Variants in A1CF observed in about 807,000 individuals in gnomAD.
The protein encoded by A1CF is APOBEC1 complementation factor, also known as APOBEC-1 stimulating protein.
A neutral mutation model predicts 68.9 loss-of-function variants in A1CF; 48 were observed. The ratio of observed to expected loss-of-function variants is 0.70; its 90% CI spans 0.55 to 0.89. A1CF has a LOEUF of 0.89. Among genes scored for constraint, A1CF ranks in the 40% least tolerant of loss-of-function variants. The pLI is 0.00. For missense variants in A1CF, 653 were observed against 718.9 expected (o/e 0.91, Z 1.05); for synonymous variants, 272 against 260.4 (o/e 1.04, Z -0.43).
At chr10:50,840,896 T>C (rs1839743941) in intron 5 of A1CF, among the ~76,000 whole-genome samples, 1 of 152,176 alleles carries the variant, frequency 6.6e-6, no homozygotes, top group Admixed American at 6.5e-5. Flanking sequence ...ATCCTAGGTT[T>C]CCTCCCTGAA....
intron 1 of A1CF, among the ~76,000 whole-genome samples, chr10:50,876,067 A>G (rs539064630): frequency 1.3e-5 from 2 of 152,132 alleles, no homozygotes; most frequent in East Asian, 3.9e-4. Flanking sequence ...CTTGTTTCCC[A>G]TTTCCCACAT....
chr10:50,862,496 T>C (rs1282258283), intron 2 of A1CF, among the ~76,000 whole-genome samples: 1 of 152,218 alleles, frequency 6.6e-6, no homozygotes, highest in African/African-American at 2.4e-5. Context: ...ATTCTTGCCT[T>C]CACCTTTCTG....
chr10:50,810,060 C>G lies in A1CF; in HGVS notation c.1461-18G>C, dbSNP rs1191376571. On this transcript the variant is annotated intron_variant, in intron 11 of 12. Coordinates refer to ENST00000373997, the MANE Select transcript of A1CF (RefSeq NM_014576.4). Reference sequence around the variant, plus strand: ...AAGGGTGGCTGGAAAGCAAGTCAGTCAGGGTAGGCATTTTTAAACTGGTAC... The same window carrying G: ...AAGGGTGGCTGGAAAGCAAGTCAGTGAGGGTAGGCATTTTTAAACTGGTAC... 1 of 1,613,404 alleles carries G rather than the reference C, an allele frequency of 6.2e-7. No individual in the cohort carries two copies. Among genetic ancestry groups the G allele is most frequent in the Admixed American group, 1.7e-5 (1 of 59,984 alleles).
At chr10:50,836,379 T>C in intron 5 of A1CF, 67 bp from the exon 6 acceptor site, 1 of 1,518,590 alleles carries the variant, frequency 6.6e-7, no homozygotes, top group Non-Finnish European at 8.9e-7. Flanking sequence ...AATGTATGGC[T>C]GTGGGCCAAA....
intron 1 of A1CF, among the ~76,000 whole-genome samples, chr10:50,876,718 C>T (rs1841532040): frequency 6.6e-6 from 1 of 152,136 alleles, no homozygotes; most frequent in Admixed American, 6.5e-5. Flanking sequence ...CATGGGCTCC[C>T]CTGAATCTCC....
intron 7 of A1CF, among the ~76,000 whole-genome samples, chr10:50,825,996 C>T (rs576149894): frequency 6.6e-6 from 1 of 152,190 alleles, no homozygotes; most frequent in African/African-American, 2.4e-5. Context: ...ATCCTACAAT[C>T]CACTGGACAG....
intron 3 of A1CF, among the ~76,000 whole-genome samples, chr10:50,852,194 G>A (rs903448205): frequency 1.5e-4 from 23 of 152,262 alleles, no homozygotes; most frequent in African/African-American, 5.1e-4. Context: ...ACCTTGTGTC[G>A]TTTATGAAGA....
intron 1 of A1CF, among the ~76,000 whole-genome samples, chr10:50,881,365 G>A (rs1163694831): frequency 6.6e-6 from 1 of 152,164 alleles, no homozygotes; most frequent in Admixed American, 6.5e-5. Flanking sequence ...CATAAACAGA[G>A]TTGGGCTTAT....
chr10:50,851,304 G>T (rs1173462089), intron 3 of A1CF, among the ~76,000 whole-genome samples: 2 of 152,166 alleles, frequency 1.3e-5, no homozygotes, highest in Non-Finnish European at 2.9e-5. Flanking sequence ...GGCTGACTTT[G>T]ATATCATGTT....
intron 7 of A1CF, among the ~76,000 whole-genome samples, chr10:50,821,216 C>T (rs1838650742): frequency 6.6e-6 from 1 of 151,886 alleles, no homozygotes; most frequent in South Asian, 2.1e-4. Flanking sequence ...AAATAAAAAA[C>T]AAAAAGAAGA....
chr10:50,809,836 A>G (rs986525752), intron 12 of A1CF, 58 bp downstream of exon 12: 12 of 1,601,970 alleles, frequency 7.5e-6, no homozygotes, highest in African/African-American at 4.0e-5. Flanking sequence ...ATGGTACCAA[A>G]AAAGGGTTTC....
At chr10:50,852,066 G>A (rs905507216) in intron 3 of A1CF, among the ~76,000 whole-genome samples, 1 of 152,150 alleles carries the variant, frequency 6.6e-6, no homozygotes, top group Admixed American at 6.5e-5. Context: ...GTCAGCGTGC[G>A]CAGTCCAAAG....
At chr10:50,841,763 CT>C (rs540298806) in intron 5 of A1CF, 98 bp downstream of exon 5, 1,165 of 1,394,430 alleles carry the variant, frequency 8.4e-4, no homozygotes, top group Admixed American at 1.0e-3. Context: ...TCTGGCTTGG[CT>C]TTTTTTTTGG....
At chr10:50,881,138 C>T (rs770039276) in intron 1 of A1CF, among the ~76,000 whole-genome samples, 1 of 152,064 alleles carries the variant, frequency 6.6e-6, no homozygotes, top group Non-Finnish European at 1.5e-5. Context: ...TACAGGTACC[C>T]ACCACCATGC....
intron 1 of A1CF, among the ~76,000 whole-genome samples, chr10:50,865,136 G>A (rs1840926169): frequency 6.6e-6 from 1 of 151,990 alleles, no homozygotes; most frequent in Non-Finnish European, 1.5e-5. Context: ...CAGGTGTAGT[G>A]TCATGCATCT....
In A1CF at chr10:50,836,089, T is replaced by G. The variant is rs1447592426; in HGVS notation, c.589A>C (p.Arg197=). ...ESHRAAAMAR[R]KLLPGRIQLW... ...GATTGCTAACCTGGTAGCAGTTTCC[T>G]CCTCGCCATGGCAGCTGCTCGATGA... Residue 197 remains arginine, a synonymous_variant, in exon 6 of 13, where the codon AGG becomes CGG. Transcript: ENST00000373997. The G allele has an allele frequency of 6.2e-7, 1 of 1,609,594 alleles. No homozygotes were observed. Among genetic ancestry groups the G allele is most frequent in the Admixed American group, 1.7e-5 (1 of 59,496 alleles).
rs1837789230 is a variant in A1CF at position 50,805,780 on chromosome 10, A to G, written c.*949T>C. ...AACAATATCAAAGAAATGAGAGCAA[A>G]TCTGCACTTCTCTCTTTAAAATGAC... is the stretch of plus-strand genomic sequence containing the variant. On this transcript the variant is annotated 3_prime_UTR_variant, in exon 13 of 13. Coordinates refer to ENST00000373997, the MANE Select transcript of A1CF (RefSeq NM_014576.4). 6.6e-6 allele frequency: 1 copy of G among 152,238 alleles called. No individual in the cohort carries two copies. Among genetic ancestry groups the G allele is most frequent in the African/African-American group, 2.4e-5 (1 of 41,458 alleles). The allele number at this position is 152,238 out of a possible 1,614,324, so 9.4% of individuals were successfully genotyped here. A position where few individuals can be genotyped will look rare whatever the true frequency, so the allele number is the denominator to read the frequency against.
intron 1 of A1CF, among the ~76,000 whole-genome samples, chr10:50,877,856 C>T (rs1219217770): frequency 6.6e-6 from 1 of 152,238 alleles, no homozygotes; most frequent in East Asian, 1.9e-4. Flanking sequence ...GGCGCCGTGG[C>T]TCACGCCTGT....
At chr10:50,850,351 T>C (rs1184329704) in intron 3 of A1CF, among the ~76,000 whole-genome samples, 2 of 152,252 alleles carry the variant, frequency 1.3e-5, no homozygotes, top group East Asian at 1.9e-4. Context: ...CTTTTAATAA[T>C]TTCCCTTTAT....
Sources: gnomAD v4.1 joint callset for allele counts (sites outside exome capture counted in the v4.1 genomes callset) on GRCh38, gnomAD v4.1.1 for gene constraint, MANE v1.5 for transcripts, NCBI Gene and HGNC (gene_info 2026-07-23, HGNC 2026-07-21) for gene names.